Variants in TRPM3 observed in about 807,000 individuals in gnomAD.
The protein encoded by TRPM3 is transient receptor potential cation channel subfamily M member 3.
In TRPM3, 77 loss-of-function variants were observed where a neutral mutation model predicts 181.2. The observed-to-expected ratio is 0.42, with a 90% confidence interval of 0.35 to 0.51. The LOEUF is 0.51. Ranked by LOEUF, TRPM3 falls within the 20% of genes least tolerant of loss-of-function variation. The probability of loss-of-function intolerance (pLI) is 0.01; values close to 1 mark genes in which losing one functional copy is unlikely to be tolerated. For synonymous variants in TRPM3, 745 were observed against 796.4 expected (o/e 0.94, Z 1.09); for missense variants, 1,759 against 2,196.7 (o/e 0.80, Z 3.98).
intron 1 of TRPM3, among the ~76,000 whole-genome samples, chr9:71,269,501 A>G (rs1376457549): frequency 6.6e-6 from 1 of 152,220 alleles, no homozygotes; most frequent in Non-Finnish European, 1.5e-5. Flanking sequence ...GAAAGTCTGC[A>G]TTTTCTCTGG....
At chr9:70,907,220 T>C (rs2096479523) in intron 1 of TRPM3, among the ~76,000 whole-genome samples, 1 of 152,194 alleles carries the variant, frequency 6.6e-6, no homozygotes, top group Non-Finnish European at 1.5e-5. Context: ...TGTGGACATG[T>C]GTAGAGTGAC....
chr9:70,823,977 G>T (rs2094643965), intron 6 of TRPM3, among the ~76,000 whole-genome samples: 1 of 152,162 alleles, frequency 6.6e-6, no homozygotes, highest in Non-Finnish European at 1.5e-5. Flanking sequence ...GGAGAGGAGG[G>T]ACAATGAAAG....
At chr9:71,327,471 C>T (rs1008605312) in intron 1 of TRPM3, among the ~76,000 whole-genome samples, 1 of 152,008 alleles carries the variant, frequency 6.6e-6, no homozygotes, top group African/African-American at 2.4e-5. Context: ...GTTATATGCA[C>T]TTATGAGTCC....
intron 1 of TRPM3, among the ~76,000 whole-genome samples, chr9:71,208,080 C>G (rs968812104): frequency 1.3e-5 from 2 of 152,124 alleles, no homozygotes; most frequent in African/African-American, 4.8e-5. Context: ...TTTCTTCCAT[C>G]TCTAGCCCTG....
At chr9:71,243,570 T>C (rs2081851060) in intron 1 of TRPM3, among the ~76,000 whole-genome samples, 2 of 152,252 alleles carry the variant, frequency 1.3e-5, no homozygotes, top group African/African-American at 2.4e-5. Context: ...AGGAATCTTA[T>C]CTGTCTTTTT....
intron 18 of TRPM3, among the ~76,000 whole-genome samples, chr9:70,611,693 T>C (rs1342246242): frequency 1.3e-5 from 2 of 152,240 alleles, no homozygotes; most frequent in African/African-American, 4.8e-5. Context: ...TTTTAAACAC[T>C]GTAAATCCTG....
intron 1 of TRPM3, among the ~76,000 whole-genome samples, chr9:71,220,388 T>TATC (rs1271681955): frequency 7.2e-6 from 1 of 139,848 alleles, no homozygotes; most frequent in Non-Finnish European, 1.6e-5. Context: ...TTATTATTAT[T>TATC]ATGATCTGCT....
At chr9:71,199,721 C>T (rs1400536501) in intron 1 of TRPM3, among the ~76,000 whole-genome samples, 1 of 133,528 alleles carries the variant, frequency 7.5e-6, no homozygotes, top group East Asian at 2.3e-4. Context: ...GTGGTGATAT[C>T]CCCTTTATCA....
chr9:70,616,161 A>G, intron 17 of TRPM3, 86 bp from the exon 18 acceptor site: 6 of 1,082,302 alleles, frequency 5.5e-6, no homozygotes, highest in Non-Finnish European at 7.8e-6. Context: ...AGCCTGAGGT[A>G]TGGGGTATAA....
At chr9:70,967,092 A>C (rs955034123) in intron 1 of TRPM3, among the ~76,000 whole-genome samples, 1 of 152,104 alleles carries the variant, frequency 6.6e-6, no homozygotes, top group Non-Finnish European at 1.5e-5. Flanking sequence ...AACTTCTGGA[A>C]CTCTAATGAG....
At chr9:70,537,550 G>A (rs1169909911) in intron 25 of TRPM3, 145 bp from the exon 26 acceptor site, 1 of 573,146 alleles carries the variant, frequency 1.7e-6, no homozygotes, top group Non-Finnish European at 2.6e-6. Context: ...GGGTTGGGGA[G>A]GAGAGAATGA....
chr9:71,059,693 GGAA>G (rs2061084191), intron 1 of TRPM3, among the ~76,000 whole-genome samples: 3 of 152,046 alleles, frequency 2.0e-5, no homozygotes, highest in Admixed American at 6.6e-5. Context: ...CTGTTTCCCT[GGAA>G]GAAGAAATTC....
intron 1 of TRPM3, among the ~76,000 whole-genome samples, chr9:71,270,333 A>G (rs1250117878): frequency 6.6e-6 from 1 of 152,200 alleles, no homozygotes; most frequent in East Asian, 1.9e-4. Context: ...CTGGGCGACA[A>G]GAGCGAGACT....
At chr9:70,695,307 C>T (rs1374687207) in intron 8 of TRPM3, among the ~76,000 whole-genome samples, 1 of 152,204 alleles carries the variant, frequency 6.6e-6, no homozygotes, top group African/African-American at 2.4e-5. Flanking sequence ...ATAAGGATGA[C>T]TCTATCTCAG....
intron 9 of TRPM3, among the ~76,000 whole-genome samples, chr9:70,680,145 C>T (rs1041278412): frequency 2.0e-5 from 3 of 152,130 alleles, no homozygotes; most frequent in Admixed American, 1.3e-4. Flanking sequence ...TCAGAGGGGT[C>T]ACATGGTATA....
At chr9:71,383,715 A>G (rs1017757893) in intron 1 of TRPM3, among the ~76,000 whole-genome samples, 1 of 152,144 alleles carries the variant, frequency 6.6e-6, no homozygotes, top group African/African-American at 2.4e-5. Flanking sequence ...TACATTTCCT[A>G]ACATAAACAC....
chr9:71,440,437 G>A (rs1440125943), intron 1 of TRPM3, among the ~76,000 whole-genome samples: 1 of 152,144 alleles, frequency 6.6e-6, no homozygotes, highest in East Asian at 1.9e-4. Context: ...CATTTAAAAT[G>A]ACTCTCAGAA....
Position 71,204,279 on chromosome 9 carries a change from T to C in TRPM3, c.183+242374A>G, listed in dbSNP as rs566926981. 7.0e-4 allele frequency among the ~76,000 whole-genome samples: 106 copies of C among 150,880 alleles called. 1 individual carries two copies. In the East Asian group the frequency reaches 0.016, roughly 22 times the overall value. The stretch of plus-strand genomic sequence containing the variant: ...CTACCATCAGAGTGAACAGGCAACC[T>C]ACAGAATGGGAGAAAATTTTTGCAA... On this transcript the variant is annotated intron_variant, in intron 1 of 24. Transcript: ENST00000357533.
At chr9:71,352,383 A>C (rs1277157959) in intron 1 of TRPM3, among the ~76,000 whole-genome samples, 1 of 152,200 alleles carries the variant, frequency 6.6e-6, no homozygotes, top group Non-Finnish European at 1.5e-5. Flanking sequence ...CATTATATTC[A>C]ACTTATTTTT....
Sources: gnomAD v4.1 joint callset for allele counts (sites outside exome capture counted in the v4.1 genomes callset) on GRCh38, gnomAD v4.1.1 for gene constraint, MANE v1.5 for transcripts, NCBI Gene and HGNC (gene_info 2026-07-23, HGNC 2026-07-21) for gene names.